Variants in AMOT observed in about 807,000 individuals in gnomAD.
The protein encoded by AMOT is angiomotin.
AMOT carries 11 observed loss-of-function variants against 67.0 expected under a neutral mutation model. The observed-to-expected ratio is 0.16, with a 90% CI of 0.10 to 0.27. The LOEUF (loss-of-function observed/expected upper bound fraction) is 0.27. Among genes scored for constraint, AMOT ranks in the 10% least tolerant of loss-of-function variants. The pLI is 1.00. For synonymous variants in AMOT, 326 were observed against 321.4 expected (o/e 1.01, Z -0.15); for missense variants, 753 against 852.0 (o/e 0.88, Z 1.45).
intron 7 of AMOT, 54 bp downstream of exon 7, chrX:112,809,840 G>T: frequency 2.9e-6 from 3 of 1,026,830 alleles, no homozygotes; most frequent in South Asian, 1.9e-5. Flanking sequence ...ATCTTTTCAC[G>T]CACCTTGCTC....
chrX:112,787,251 A>G (rs372629260), intron 10 of AMOT, among the ~76,000 whole-genome samples: 15 of 111,382 alleles, frequency 1.3e-4, no homozygotes, highest in African/African-American at 4.9e-4. Context: ...ATTATAATCT[A>G]TATTTTATTA....
rs765676885 is a variant in AMOT, at chrX:112,791,907, A to T, written c.1851T>A (p.Cys617Ter). The T allele has an allele frequency of 8.3e-7, 1 of 1,211,243 alleles. No homozygotes were observed. Among genetic ancestry groups the T allele is most frequent in the Non-Finnish European group, 1.1e-6 (1 of 895,360 alleles). Residue 617 changes from cysteine (C) to a stop codon, truncating the protein, a stop_gained, in exon 9 of 14, where the codon TGT becomes TGA. Transcript: ENST00000371959. LOFTEE classifies it high-confidence loss of function. ...QQALVQLQAA[C>*]EKREQLEHRL... Reference sequence around the variant, plus strand: ...GGTGCTCTAGCTGCTCACGTTTTTCACATGCTGCCTGGAGCTGTACAAGGG... The same window carrying T: ...GGTGCTCTAGCTGCTCACGTTTTTCTCATGCTGCCTGGAGCTGTACAAGGG...
intron 8 of AMOT, among the ~76,000 whole-genome samples, chrX:112,794,127 G>T (rs900250896): frequency 2.7e-5 from 3 of 112,170 alleles, no homozygotes; most frequent in Non-Finnish European, 5.6e-5. Flanking sequence ...ATAGCATGCA[G>T]TTCTTGCCTT....
chrX:112,810,163 GGGA>G (rs775043170), intron 6 of AMOT, among the ~76,000 whole-genome samples, 177 bp from the exon 7 acceptor site: 1 of 111,681 alleles, frequency 9.0e-6, no homozygotes, highest in Admixed American at 9.5e-5. Context: ...ACCATGGCCG[GGGA>G]GGAGGAGGTA....
At chrX:112,822,170 C>T in intron 4 of AMOT, 85 bp downstream of exon 4, 1 of 1,045,511 alleles carries the variant, frequency 9.6e-7, no homozygotes, top group East Asian at 3.4e-5. Flanking sequence ...CAAACACCTG[C>T]CCGTTCCTTC....
rs181478411 is a variant in AMOT at position 112,835,250 on chromosome X, G to T, written c.-288-2880C>A. 6.3e-5 allele frequency among the ~76,000 whole-genome samples: 7 copies of T among 111,652 alleles called. No homozygotes were observed. In the East Asian group the frequency reaches 2.0e-3, roughly 32 times the overall value. The stretch of plus-strand genomic sequence containing the variant: ...ACCCTTGGTCACATGGTAAGACAGA[G>T]AGGGGCTGGGCAGAGAAAACCAGAT... On this transcript the variant is annotated intron_variant, in intron 1 of 13. Transcript: ENST00000371959.
At chrX:112,795,226 C>T (rs1933760729) in intron 8 of AMOT, among the ~76,000 whole-genome samples, 1 of 104,414 alleles carries the variant, frequency 9.6e-6, no homozygotes, top group Non-Finnish European at 1.9e-5. Context: ...TCTCTCTCTT[C>T]CCTCTTTCTC....
rs1237831328 is a variant in AMOT at position 112,781,035 on chromosome X, T to C, written c.2324A>G (p.Lys775Arg). ...CCGCATGCACGACAGCTGCTCTGTC[T>C]TGCTCGGCTCCTTCCGGGAACGCTG... Reference protein sequence around the residue: ...LQQRSRKEPSKTEQLSCMRPA... With the variant: ...LQQRSRKEPSRTEQLSCMRPA... The change falls in exon 12 of 14, where the codon AAG (lysine) becomes AGG (arginine). Residue 775 changes from lysine to arginine, a missense_variant. Physicochemically the swap from Lys to Arg is conservative, Grantham distance 26 (BLOSUM62 2). This residue lies in a region of AMOT where 269 missense variants were observed against 300.9 expected (regional missense o/e 0.89). Coordinates refer to ENST00000371959, the MANE Select transcript of AMOT (RefSeq NM_001113490.2). The C allele has an allele frequency of 3.3e-6, 4 of 1,212,142 alleles. No homozygotes were observed. Among genetic ancestry groups the C allele is most frequent in the Non-Finnish European group, 4.5e-6 (4 of 895,612 alleles).
Position 112,780,906 on chromosome X carries a change from T to C in AMOT, c.2453A>G (p.Lys818Arg), listed in dbSNP as rs76625107. Residue 818 changes from lysine (K) to arginine (R), a missense_variant, in exon 12 of 14, where the codon AAG becomes AGG. Transcript: ENST00000371959. Reference protein sequence around the residue: ...SPIMEEKRDDKSWKGSLGILL... With the variant: ...SPIMEEKRDDRSWKGSLGILL... ...ATTACCTAGGCTCCCCTTCCAGCTCTTGTCGTCTCGCTTTTCTTCCATGAT... is the reference window on the plus strand; with the variant it reads ...ATTACCTAGGCTCCCCTTCCAGCTCCTGTCGTCTCGCTTTTCTTCCATGAT... The C allele has an allele frequency of 8.3e-7, 1 of 1,210,081 alleles. No homozygotes were observed. The highest frequency in any genetic ancestry group is 3.0e-5 in the East Asian group (1 of 33,746).
intron 10 of AMOT, among the ~76,000 whole-genome samples, chrX:112,787,329 G>A (rs1286180467): frequency 3.6e-5 from 4 of 111,791 alleles, no homozygotes; most frequent in African/African-American, 6.5e-5. Flanking sequence ...CATAAACTGT[G>A]ATACATCCAC....
intron 11 of AMOT, among the ~76,000 whole-genome samples, chrX:112,781,674 G>A (rs144938036): frequency 0.01 from 1,143 of 110,067 alleles, 11 homozygotes; most frequent in Middle Eastern, 0.028. Context: ...TTAAATCTTA[G>A]TAAGTCACAA....
In AMOT at chrX:112,811,365, T is replaced by C; in HGVS notation, c.1421A>G (p.Glu474Gly). ...KVETEIQRVS[E>G]AYENLVKSSS... ...TGACTTCACGAGGTTCTCATATGCC[T>C]CCGAGACGCGCTGGATTTCTGTCTC... Residue 474 changes from glutamate to glycine, a missense_variant, in exon 6 of 14, where the codon GAG becomes GGG. Glu to Gly is a moderately conservative substitution (Grantham distance 98). Around this residue, in one of 5 missense-constraint regions of AMOT, gnomAD observed 297 missense variants for 284.3 expected, o/e 1.04. Coordinates refer to ENST00000371959, the MANE Select transcript of AMOT (RefSeq NM_001113490.2). 1 of 1,207,670 alleles carries C rather than the reference T, an allele frequency of 8.3e-7. No individual in the cohort carries two copies. Among genetic ancestry groups the C allele is most frequent in the Admixed American group, 2.2e-5 (1 of 45,846 alleles).
At chrX:112,792,929 G>A (rs1389854987) in intron 8 of AMOT, among the ~76,000 whole-genome samples, 3 of 108,164 alleles carry the variant, frequency 2.8e-5, no homozygotes, top group Non-Finnish European at 5.7e-5. Flanking sequence ...GCTTGACTAT[G>A]CAGATAAAAT....
chrX:112,815,343 A>G lies in AMOT; in HGVS notation c.1392+15T>C. On this transcript the variant is annotated intron_variant, in intron 5 of 13. Transcript: ENST00000371959. ...AAGACTTAGAGACCCTAATATCCCA[A>G]AACGGAAGCCTCACCTTCTGCAGTC... 1 of 1,195,204 alleles carries G rather than the reference A, an allele frequency of 8.4e-7. No homozygotes were observed. The highest frequency in any genetic ancestry group is 1.1e-6 in the Non-Finnish European group (1 of 887,832).
intron 8 of AMOT, among the ~76,000 whole-genome samples, chrX:112,796,164 A>G (rs972684494): frequency 8.9e-6 from 1 of 112,017 alleles, no homozygotes. Context: ...GGGCTCAGCC[A>G]AACGGGGTCC....
rs749042817 is a variant in AMOT, at chrX:112,815,308, C to T, written c.1392+50G>A. ...ACTTTAATGTGGATATTAAACAAGT[C>T]TCACAAATAAAGACTTAGAGACCCT... On this transcript the variant is annotated intron_variant, in intron 5 of 13. Transcript: ENST00000371959. 14 of 1,145,815 alleles carry T rather than the reference C, an allele frequency of 1.2e-5. No individual in the cohort carries two copies. In the African/African-American group the frequency reaches 2.4e-4, roughly 19 times the overall value. 94.4% of individuals were successfully genotyped at this position (1,145,815 alleles called of 1,213,427 possible).
At chrX:112,786,377 G>T (rs764010308) in intron 10 of AMOT, among the ~76,000 whole-genome samples, 1 of 112,017 alleles carries the variant, frequency 8.9e-6, no homozygotes, top group Non-Finnish European at 1.9e-5. Context: ...TAGTTGACTG[G>T]GTGGGTTATC....
chrX:112,812,543 C>T (rs1041864589), intron 5 of AMOT, among the ~76,000 whole-genome samples: 14 of 111,328 alleles, frequency 1.3e-4, no homozygotes, highest in Non-Finnish European at 2.1e-4. Flanking sequence ...ACAATCAGGC[C>T]GAAAATGAGA....
Position 112,809,885 on chromosome X carries a change from C to T in AMOT, c.1630+9G>A. 8.3e-7 allele frequency: 1 copy of T among 1,206,867 alleles called. No individual in the cohort carries two copies. Among genetic ancestry groups the T allele is most frequent in the Non-Finnish European group, 1.1e-6 (1 of 891,391 alleles). Reference sequence around the variant, plus strand: ...CGTTAATACCTGTTTCTGCAGCTTGCAGACTTACTTTTTGCAAAGAGCTGC... The same window carrying T: ...CGTTAATACCTGTTTCTGCAGCTTGTAGACTTACTTTTTGCAAAGAGCTGC... On this transcript the variant is annotated intron_variant, in intron 7 of 13. Coordinates refer to ENST00000371959, the MANE Select transcript of AMOT (RefSeq NM_001113490.2).
Sources: gnomAD v4.1 joint callset for allele counts (sites outside exome capture counted in the v4.1 genomes callset) on GRCh38, gnomAD v4.1.1 for gene constraint, gnomAD v4.1.1 regional missense constraint, MANE v1.5 for transcripts, NCBI Gene and HGNC (gene_info 2026-07-23, HGNC 2026-07-21) for gene names.